CDH4: variants seen among roughly 807,000 people sequenced by gnomAD.
The protein encoded by CDH4 is cadherin 4, also known as cadherin-4.
Under a neutral mutation model 86.0 loss-of-function variants are expected in CDH4, and 33 were observed. The observed-to-expected ratio is 0.38, with a 90% CI of 0.29 to 0.51. CDH4 has a LOEUF of 0.51. CDH4 is among the 20% of genes least tolerant of loss of function. CDH4 has a pLI of 0.86. For synonymous variants in CDH4, 555 were observed against 549.4 expected (o/e 1.01, Z -0.14); for missense variants, 1,114 against 1,307.4 (o/e 0.85, Z 2.28).
intron 2 of CDH4, among the ~76,000 whole-genome samples, chr20:61,632,186 G>A (rs2086895357): frequency 6.6e-6 from 1 of 152,216 alleles, no homozygotes; most frequent in Non-Finnish European, 1.5e-5. Flanking sequence ...AATGCTCCTG[G>A]GGCGGAGAGT....
chr20:61,306,141 T>C (rs574713289), intron 2 of CDH4, among the ~76,000 whole-genome samples: 180 of 152,338 alleles, frequency 1.2e-3, no homozygotes, highest in Admixed American at 3.0e-3. Context: ...TGCTTAGGGT[T>C]TCATCTCATC....
At chr20:61,881,669 G>T (rs1984282217) in intron 7 of CDH4, among the ~76,000 whole-genome samples, 1 of 152,204 alleles carries the variant, frequency 6.6e-6, no homozygotes, top group African/African-American at 2.4e-5. Context: ...GAAGAGGAGG[G>T]GGCGGCACGT....
rs769090728 is a variant in CDH4, at chr20:61,924,430, C to T, written c.1725C>T (p.Tyr575=). ...CAGTGCTGGACCGTGAGTCCCTCTA[C>T]ACCAAAAACAACGTCTACGAGGCCA... ...TAAVLDRESL[Y]TKNNVYEATF... Residue 575 remains tyrosine (Y), a synonymous_variant, in exon 11 of 16, where the codon TAC becomes TAT. Transcript: ENST00000614565. 10 of 1,613,756 alleles carry T rather than the reference C, an allele frequency of 6.2e-6. No homozygotes were observed. The highest frequency in any genetic ancestry group is 1.1e-5 in the South Asian group (1 of 91,082).
chr20:61,257,655 G>A (rs1416775487), intron 2 of CDH4, among the ~76,000 whole-genome samples: 3 of 152,236 alleles, frequency 2.0e-5, no homozygotes, highest in Non-Finnish European at 4.4e-5. Flanking sequence ...AAAATAGGAC[G>A]GTGAAGCCGT....
chr20:61,795,642 A>AGGGAGGCC (rs1979495730), intron 4 of CDH4, among the ~76,000 whole-genome samples: 1 of 152,212 alleles, frequency 6.6e-6, no homozygotes, highest in South Asian at 2.1e-4. Flanking sequence ...AGAGAAGGGC[A>AGGGAGGCC]GGGAGGCCAG....
chr20:61,455,514 T>A (rs956605495), intron 2 of CDH4, among the ~76,000 whole-genome samples: 2 of 152,198 alleles, frequency 1.3e-5, no homozygotes, highest in African/African-American at 4.8e-5. Flanking sequence ...AGGATTTTAA[T>A]AAATCCCGCA....
intron 2 of CDH4, among the ~76,000 whole-genome samples, chr20:61,641,288 G>C (rs1209550458): frequency 6.6e-6 from 1 of 152,126 alleles, no homozygotes; most frequent in Non-Finnish European, 1.5e-5. Context: ...GCTTCTAGAA[G>C]GTTGGCCCTT....
chr20:61,683,132 A>G (rs1211121568), intron 2 of CDH4, among the ~76,000 whole-genome samples: 21 of 152,028 alleles, frequency 1.4e-4, no homozygotes, highest in Admixed American at 1.4e-3. Flanking sequence ...TTCTCCCTGG[A>G]ATGTGTTTAT....
chr20:61,734,300 T>A (rs1156863910), intron 2 of CDH4, among the ~76,000 whole-genome samples: 2 of 152,252 alleles, frequency 1.3e-5, no homozygotes, highest in African/African-American at 4.8e-5. Flanking sequence ...TAATTATGAC[T>A]GCTACATGTA....
intron 11 of CDH4, 84 bp from the exon 12 acceptor site, chr20:61,928,106 T>G (rs1033142417): frequency 9.6e-7 from 1 of 1,044,900 alleles, no homozygotes; most frequent in African/African-American, 1.6e-5. Context: ...ACGTGGTTGT[T>G]TGTGTGCGTG....
chr20:61,914,529 G>A (rs75240489), intron 9 of CDH4, among the ~76,000 whole-genome samples: 3 of 148,920 alleles, frequency 2.0e-5, no homozygotes, highest in African/African-American at 7.8e-5. Context: ...TGGAATCAAC[G>A]GAGATCGGTG....
chr20:61,669,717 G>C (rs1349667595), intron 2 of CDH4, among the ~76,000 whole-genome samples: 2 of 152,208 alleles, frequency 1.3e-5, no homozygotes, highest in Non-Finnish European at 2.9e-5. Flanking sequence ...GCTGGCAAAA[G>C]AGGGTCCTCC....
At chr20:61,736,598 A>AGAGG (rs1175226505) in intron 2 of CDH4, among the ~76,000 whole-genome samples, 3 of 147,400 alleles carry the variant, frequency 2.0e-5, no homozygotes, top group Non-Finnish European at 4.5e-5. Context: ...GATGAAGGGG[A>AGAGG]GAGGGAGGGA....
chr20:61,682,498 C>T (rs1046653220), intron 2 of CDH4, among the ~76,000 whole-genome samples: 10 of 147,522 alleles, frequency 6.8e-5, no homozygotes, highest in Admixed American at 3.4e-4. Flanking sequence ...GATGGATGGA[C>T]GGAGAGATGG....
intron 8 of CDH4, among the ~76,000 whole-genome samples, chr20:61,903,924 T>C (rs879508175): frequency 5.9e-5 from 9 of 152,254 alleles, no homozygotes; most frequent in Non-Finnish European, 1.2e-4. Flanking sequence ...GAGACAGGCC[T>C]GTCTCCTTGC....
chr20:61,477,841 G>C (rs539255952), intron 2 of CDH4, among the ~76,000 whole-genome samples: 1 of 152,306 alleles, frequency 6.6e-6, no homozygotes, highest in East Asian at 1.9e-4. Flanking sequence ...CCGTTGCTGG[G>C]TGAATGCTTT....
intron 2 of CDH4, among the ~76,000 whole-genome samples, chr20:61,275,780 G>A (rs894992786): frequency 6.6e-6 from 1 of 152,052 alleles, no homozygotes; most frequent in Non-Finnish European, 1.5e-5. Flanking sequence ...TTTTCTGAAG[G>A]ATCCTGGATT....
chr20:61,785,710 G>C (rs995233338), intron 4 of CDH4, among the ~76,000 whole-genome samples: 1 of 152,202 alleles, frequency 6.6e-6, no homozygotes, highest in African/African-American at 2.4e-5. Flanking sequence ...ACCTTGCCCA[G>C]GTGGACAGGG....
chr20:61,654,317 C>G (rs1033707949), intron 2 of CDH4, among the ~76,000 whole-genome samples: 52 of 152,292 alleles, frequency 3.4e-4, no homozygotes, highest in African/African-American at 1.2e-3. Flanking sequence ...CGCAAGCACT[C>G]GGCAGGCTGA....
Sources: allele counts gnomAD v4.1 joint callset (sites outside exome capture counted in the v4.1 genomes callset), GRCh38; gene constraint gnomAD v4.1.1; transcripts MANE v1.5; gene names NCBI Gene and HGNC (gene_info 2026-07-23, HGNC 2026-07-21).